ZNF624: variants seen among roughly 807,000 people sequenced by gnomAD.
ZNF624 encodes zinc finger protein 624.
A neutral mutation model predicts 74.7 loss-of-function variants in ZNF624; 43 were observed. That is an observed-to-expected ratio of 0.58 (90% CI 0.45 to 0.74). The LOEUF (loss-of-function observed/expected upper bound fraction) is 0.74, where lower values mean the gene tolerates loss of function less well. Among genes scored for constraint, ZNF624 ranks in the 30% least tolerant of loss-of-function variants. ZNF624 has a pLI of 0.00. For synonymous variants in ZNF624, 331 were observed against 341.3 expected, an observed-to-expected ratio of 0.97 and a Z score of 0.33; for missense variants, 820 against 1,030.0, an observed-to-expected ratio of 0.80 and a Z score of 2.79.
chr17:16,640,366 A>G (rs1289697833), intron 3 of ZNF624, among the ~76,000 whole-genome samples: 1 of 152,132 alleles, frequency 6.6e-6, no homozygotes, highest in African/African-American at 2.4e-5. Flanking sequence ...GAGAAGGAAG[A>G]GTGAACTAAA....
At chr17:16,639,885 A>G (rs1909426146) in intron 3 of ZNF624, among the ~76,000 whole-genome samples, 1 of 152,216 alleles carries the variant, frequency 6.6e-6, no homozygotes, top group Non-Finnish European at 1.5e-5. Context: ...GGTTTTCAAC[A>G]AAAAATTATA....
At position 16,622,301 on chromosome 17, in the gene ZNF624, G is replaced by C. The variant is rs1170984999; in HGVS notation, c.2585C>G (p.Thr862Ser). The stretch of plus-strand genomic sequence containing the variant: ...ACTTATTGTTCTTTATATTAACTGA[G>C]TTTCTCTTTGATGTATTCTTTGATG... ...TVHQRIHQRE[T>S]QLI is the part of the protein sequence containing the mutation. Residue 862 changes from threonine to serine, a missense_variant, in exon 6 of 6, where the codon ACT becomes AGT. Coordinates refer to ENST00000311331, the MANE Select transcript of ZNF624 (RefSeq NM_020787.4). 6.4e-7 allele frequency: 1 copy of C among 1,561,030 alleles called. No individual in the cohort carries two copies. The highest frequency in any genetic ancestry group is 8.6e-7 in the Non-Finnish European group (1 of 1,158,268).
Position 16,622,146 on chromosome 17 carries a change from A to T in ZNF624, c.*142T>A. The T allele has an allele frequency of 1.8e-6, 1 of 558,904 alleles. No homozygotes were observed. The highest frequency in any genetic ancestry group is 4.7e-5 in the South Asian group (1 of 21,088). The allele number at this position is 558,904 out of a possible 1,614,324, so 34.6% of individuals were successfully genotyped here. On this transcript the variant is annotated 3_prime_UTR_variant, in exon 6 of 6. Coordinates refer to ENST00000311331, the MANE Select transcript of ZNF624 (RefSeq NM_020787.4). ...ATAACTTCTAAGATTTAATATTATT[A>T]AATGATTTCCCACATAATTGCTTAT...
In ZNF624 at chr17:16,622,622, T is replaced by C. The variant is rs772671623; in HGVS notation, c.2264A>G (p.Asp755Gly). ...IHSGEKPYKC[D>G]VCGKAFRRGS... ...CCTCCTGAAGGCTTTTCCACAGACATCACACTTATAGGGCTTCTCTCCACT... is the reference window on the plus strand; with the variant it reads ...CCTCCTGAAGGCTTTTCCACAGACACCACACTTATAGGGCTTCTCTCCACT... Residue 755 changes from aspartate (D) to glycine (G), a missense_variant, in exon 6 of 6, where the codon GAT (aspartate) becomes GGT (glycine). Asp to Gly is a moderately conservative substitution (Grantham distance 94). Coordinates refer to ENST00000311331, the MANE Select transcript of ZNF624 (RefSeq NM_020787.4). 1 of 1,614,088 alleles carries C rather than the reference T, an allele frequency of 6.2e-7. No homozygotes were observed. The highest frequency in any genetic ancestry group is 1.7e-5 in the Admixed American group (1 of 60,032).
intron 2 of ZNF624, 51 bp downstream of exon 2, chr17:16,649,607 A>G: frequency 6.5e-7 from 1 of 1,538,348 alleles, no homozygotes; most frequent in Non-Finnish European, 9.0e-7. Flanking sequence ...GGCAAAGTAA[A>G]CATGCTCTCA....
downstream of ZNF624, chr17:16,617,744 G>A: frequency 1.2e-6 from 2 of 1,602,310 alleles, no homozygotes; most frequent in Non-Finnish European, 8.5e-7. Context: ...CGTCGGTGTC[G>A]CGGGAGTCCT....
rs114551853 is a variant in ZNF624 at position 16,630,698 on chromosome 17, G to A, written c.376+3164C>T. On this transcript the variant is annotated intron_variant, in intron 5 of 5. Transcript: ENST00000311331. ...AAAGAAAGATGCTGTAGTAATATTA[G>A]TATCAGACAAAACAGATTTTAAGGC... is the stretch of plus-strand genomic sequence containing the variant. 3.0e-3 allele frequency among the ~76,000 whole-genome samples: 462 copies of A among 152,244 alleles called. 5 individuals carry two copies. Among genetic ancestry groups the A allele is most frequent in the African/African-American group, 0.011 (438 of 41,560 alleles).
At chr17:16,617,194 C>T (rs1276109393), downstream of ZNF624, 28 of 1,612,524 alleles carry the variant, frequency 1.7e-5, no homozygotes, top group Non-Finnish European at 2.4e-5. Context: ...TCGACCTTTG[C>T]TCCGCGACCT....
At chr17:16,650,745 A>G (rs1430464072) in intron 1 of ZNF624, among the ~76,000 whole-genome samples, 3 of 152,154 alleles carry the variant, frequency 2.0e-5, no homozygotes, top group Non-Finnish European at 2.9e-5. Context: ...CAGTGACATA[A>G]TAAGTATTAA....
At chr17:16,643,884 C>G (rs1332178836) in intron 3 of ZNF624, among the ~76,000 whole-genome samples, 1 of 152,172 alleles carries the variant, frequency 6.6e-6, no homozygotes, top group Non-Finnish European at 1.5e-5. Context: ...CCCCCAAAAC[C>G]TCATGTTCAA....
chr17:16,627,142 TA>T (rs1474687304), intron 5 of ZNF624, among the ~76,000 whole-genome samples: 2 of 148,364 alleles, frequency 1.3e-5, no homozygotes, highest in African/African-American at 5.0e-5. Context: ...ATATTAAATT[TA>T]AAAGGTCAAA....
chr17:16,635,607 T>C (rs189415172), intron 3 of ZNF624, among the ~76,000 whole-genome samples: 9 of 152,260 alleles, frequency 5.9e-5, no homozygotes, highest in African/African-American at 7.2e-5. Context: ...GCACAAGATA[T>C]ACCCTGAGAA....
intron 1 of ZNF624, among the ~76,000 whole-genome samples, chr17:16,650,924 T>C (rs906060824): frequency 6.6e-6 from 1 of 152,110 alleles, no homozygotes; most frequent in African/African-American, 2.4e-5. Context: ...CCTTACAGTG[T>C]CTAACAATCA....
At chr17:16,635,474 T>TA (rs780875915) in intron 3 of ZNF624, among the ~76,000 whole-genome samples, 3 of 150,514 alleles carry the variant, frequency 2.0e-5, no homozygotes, top group Admixed American at 6.6e-5. Context: ...ATAAATGAAA[T>TA]AAAAAATTAA....
intron 2 of ZNF624, among the ~76,000 whole-genome samples, chr17:16,648,451 G>A (rs1419081914): frequency 3.9e-5 from 6 of 152,204 alleles, no homozygotes; most frequent in Non-Finnish European, 8.8e-5. Flanking sequence ...TAATGATGAT[G>A]TGAATCTTCT....
chr17:16,634,975 G>A lies in ZNF624; in HGVS notation c.154-219C>T, dbSNP rs376854209. On this transcript the variant is annotated intron_variant, in intron 3 of 5. Coordinates refer to ENST00000311331, the MANE Select transcript of ZNF624 (RefSeq NM_020787.4). ...ATCATCTTCAGAGTTTCATCTGATA[G>A]CAGAATTTCTTTTCAGACCAAGTCT... Among the ~76,000 whole-genome samples, 81 of 152,278 alleles carry A rather than the reference G, an allele frequency of 5.3e-4. No homozygotes were observed. In the South Asian group the frequency reaches 0.016, roughly 31 times the overall value.
At chr17:16,639,801 GCAA>G (rs1333848703) in intron 3 of ZNF624, among the ~76,000 whole-genome samples, 2 of 152,156 alleles carry the variant, frequency 1.3e-5, no homozygotes, top group Non-Finnish European at 2.9e-5. Flanking sequence ...AGCAACAACT[GCAA>G]CAACAAACCC....
chr17:16,616,271 C>T (rs961120781), downstream of ZNF624, among the ~76,000 whole-genome samples: 16 of 151,782 alleles, frequency 1.1e-4, no homozygotes, highest in Non-Finnish European at 1.6e-4. Flanking sequence ...TGAGGCTTGC[C>T]TTGTTTACAC....
chr17:16,639,955 G>A (rs1909428006), intron 3 of ZNF624, among the ~76,000 whole-genome samples: 4 of 152,080 alleles, frequency 2.6e-5, no homozygotes, highest in Admixed American at 2.0e-4. Context: ...AAGCATCAAT[G>A]GAAATTACCT....
Sources: gnomAD v4.1 joint callset for allele counts (sites outside exome capture counted in the v4.1 genomes callset) on GRCh38, gnomAD v4.1.1 for gene constraint, MANE v1.5 for transcripts, NCBI Gene and HGNC (gene_info 2026-07-23, HGNC 2026-07-21) for gene names.